Variants in TTC39B observed in about 807,000 individuals in gnomAD.
TTC39B encodes tetratricopeptide repeat domain 39B.
A neutral mutation model predicts 96.6 loss-of-function variants in TTC39B; 92 were observed. That is an observed-to-expected ratio of 0.95 (90% CI 0.80 to 1.13). The LOEUF (loss-of-function observed/expected upper bound fraction) is 1.13. Ranked by LOEUF, TTC39B falls within the 50% of genes most tolerant of loss-of-function variation. The probability of loss-of-function intolerance (pLI) is 0.00; values close to 1 mark genes in which losing one functional copy is unlikely to be tolerated. For missense variants in TTC39B, 955 were observed against 809.3 expected, an observed-to-expected ratio of 1.18 and a Z score of -2.18; for synonymous variants, 367 against 299.4, an observed-to-expected ratio of 1.23 and a Z score of -2.33.
intron 8 of TTC39B, among the ~76,000 whole-genome samples, chr9:15,199,555 G>A (rs1487735504): frequency 1.3e-4 from 19 of 151,382 alleles, no homozygotes; most frequent in Admixed American, 1.3e-3. Context: ...CTAACACAGT[G>A]AAACCCCATC....
At chr9:15,216,701 G>T (rs751015782) in intron 3 of TTC39B, among the ~76,000 whole-genome samples, 1 of 152,076 alleles carries the variant, frequency 6.6e-6, no homozygotes, top group Admixed American at 6.6e-5. Flanking sequence ...GCCTACCTCT[G>T]TCCCCCTCAT....
chr9:15,254,808 A>T (rs1040061049), intron 2 of TTC39B, among the ~76,000 whole-genome samples: 3 of 151,418 alleles, frequency 2.0e-5, no homozygotes, highest in Non-Finnish European at 4.4e-5. Context: ...CCAATGGGAG[A>T]TCTGACACAC....
At chr9:15,199,835 A>C in intron 8 of TTC39B, 26 bp downstream of exon 8, 1 of 1,378,920 alleles carries the variant, frequency 7.3e-7, no homozygotes, top group Non-Finnish European at 1.0e-6. Context: ...AATTATTTAC[A>C]AACCACATCT....
intron 8 of TTC39B, among the ~76,000 whole-genome samples, chr9:15,195,392 C>T (rs190882578): frequency 2.0e-5 from 3 of 152,212 alleles, no homozygotes; most frequent in East Asian, 1.9e-4. Flanking sequence ...AAAGTGCAGC[C>T]GGGCACGGTG....
At chr9:15,198,643 G>A (rs1000791128) in intron 8 of TTC39B, among the ~76,000 whole-genome samples, 15 of 151,520 alleles carry the variant, frequency 9.9e-5, no homozygotes, top group African/African-American at 3.6e-4. Flanking sequence ...CTACAGCTAA[G>A]AGAACAACAG....
chr9:15,220,320 C>G (rs1432124151), intron 3 of TTC39B, among the ~76,000 whole-genome samples: 1 of 152,190 alleles, frequency 6.6e-6, no homozygotes, highest in Non-Finnish European at 1.5e-5. Context: ...GACAGCCAGA[C>G]TACAGAAACT....
intron 5 of TTC39B, among the ~76,000 whole-genome samples, chr9:15,210,743 T>G (rs931913112): frequency 6.6e-6 from 1 of 152,212 alleles, no homozygotes; most frequent in Non-Finnish European, 1.5e-5. Context: ...TCTTCCATAC[T>G]GTGAAACACC....
chr9:15,297,252 T>C (rs770784233), intron 1 of TTC39B, among the ~76,000 whole-genome samples: 90 of 152,306 alleles, frequency 5.9e-4, no homozygotes, highest in Non-Finnish European at 1.1e-3. Context: ...TTCCACCTCA[T>C]GAAGCCCAGG....
chr9:15,226,055 C>A (rs1821107589), intron 2 of TTC39B, 43 bp from the exon 3 acceptor site: 1 of 1,586,944 alleles, frequency 6.3e-7, no homozygotes, highest in Non-Finnish European at 8.6e-7. Context: ...ATTTCTTTGT[C>A]CTGTGAGAAA....
At chr9:15,177,378 AAAAC>A (rs1360580282) in intron 18 of TTC39B, among the ~76,000 whole-genome samples, 1 of 152,318 alleles carries the variant, frequency 6.6e-6, no homozygotes. Flanking sequence ...AAATATGTAA[AAAAC>A]AAAAAAATTA....
At chr9:15,237,184 G>A (rs1164980655) in intron 2 of TTC39B, among the ~76,000 whole-genome samples, 1 of 152,136 alleles carries the variant, frequency 6.6e-6, no homozygotes, top group East Asian at 1.9e-4. Context: ...GCATAGTGGT[G>A]CATGCCTGTA....
chr9:15,234,464 G>A (rs1019171617), intron 2 of TTC39B, among the ~76,000 whole-genome samples: 1 of 151,410 alleles, frequency 6.6e-6, no homozygotes, highest in Non-Finnish European at 1.5e-5. Flanking sequence ...GGGCGCCTCT[G>A]CCCGGCCGCC....
Position 15,215,165 on chromosome 9 carries a change from T to A in TTC39B, c.372-916A>T, listed in dbSNP as rs184380887. On this transcript the variant is annotated intron_variant, in intron 3 of 19. Transcript: ENST00000512701. ...AGCTACAGGCATTGCAGTGGGAGGA[T>A]GCTTGAGCTCAGGAGTTTGTGGCTG... Among the ~76,000 whole-genome samples the A allele has an allele frequency of 1.2e-3, 179 of 152,240 alleles. 1 individual carries two copies. Among genetic ancestry groups the A allele is most frequent in the Middle Eastern group, 0.01 (3 of 294 alleles).
intron 1 of TTC39B, among the ~76,000 whole-genome samples, chr9:15,290,384 G>C (rs905434553): frequency 2.0e-5 from 3 of 152,164 alleles, no homozygotes; most frequent in South Asian, 2.1e-4. Flanking sequence ...TGCAATGATA[G>C]AAGGCCACCT....
intron 1 of TTC39B, among the ~76,000 whole-genome samples, chr9:15,295,551 T>G (rs1036648090): frequency 6.6e-6 from 1 of 152,174 alleles, no homozygotes; most frequent in African/African-American, 2.4e-5. Context: ...AAAAATAAGG[T>G]AAAAATATAT....
At chr9:15,305,689 T>C (rs1824731426) in intron 1 of TTC39B, among the ~76,000 whole-genome samples, 2 of 150,472 alleles carry the variant, frequency 1.3e-5, no homozygotes, top group Admixed American at 1.3e-4. Flanking sequence ...CATCGGCTAA[T>C]GCATCTCAAC....
intron 1 of TTC39B, among the ~76,000 whole-genome samples, chr9:15,301,944 T>C (rs983722528): frequency 6.6e-6 from 1 of 152,214 alleles, no homozygotes; most frequent in Non-Finnish European, 1.5e-5. Context: ...ATTTTTTTCA[T>C]TATCAACCCT....
At chr9:15,171,588 A>G (rs1817662135) in exon 20 of TTC39B, 1 of 153,558 alleles carries the variant, frequency 6.5e-6, no homozygotes, top group Non-Finnish European at 1.4e-5. Flanking sequence ...ATATTTATTT[A>G]TCTTCTGAAA....
At chr9:15,292,566 C>T (rs545634123) in intron 1 of TTC39B, among the ~76,000 whole-genome samples, 2 of 152,246 alleles carry the variant, frequency 1.3e-5, no homozygotes, top group South Asian at 2.1e-4. Context: ...CAGCCTCAGG[C>T]AGGTCCTTCA....
Sources: gnomAD v4.1 joint callset for allele counts (sites outside exome capture counted in the v4.1 genomes callset) on GRCh38, gnomAD v4.1.1 for gene constraint, MANE v1.5 for transcripts, NCBI Gene and HGNC (gene_info 2026-07-23, HGNC 2026-07-21) for gene names.